PARD3B: variants seen among roughly 807,000 people sequenced by gnomAD.
PARD3B encodes partitioning defective 3 homolog B.
Under a neutral mutation model 130.2 loss-of-function variants are expected in PARD3B, and 103 were observed. That is an observed-to-expected ratio of 0.79 (90% CI 0.67 to 0.93). PARD3B has a LOEUF of 0.93. Ranked by LOEUF, PARD3B falls within the 40% of genes least tolerant of loss-of-function variation. PARD3B has a pLI of 0.00. For synonymous variants in PARD3B, 583 were observed against 553.2 expected (o/e 1.05, Z -0.76); for missense variants, 1,609 against 1,499.2 (o/e 1.07, Z -1.21).
At chr2:204,753,839 G>A (rs2125393676) in intron 2 of PARD3B, among the ~76,000 whole-genome samples, 1 of 152,176 alleles carries the variant, frequency 6.6e-6, no homozygotes, top group South Asian at 2.1e-4. Flanking sequence ...GATTGCTTGA[G>A]CTCAGGAGTT....
At chr2:205,523,225 G>A (rs199960729) in intron 21 of PARD3B, among the ~76,000 whole-genome samples, 38,032 of 142,734 alleles carry the variant, frequency 0.27, 5,552 homozygotes, top group Admixed American at 0.4. Flanking sequence ...GTGTGTGTGT[G>A]TATATATATA....
chr2:205,098,085 AAAC>A (rs1702508458), intron 4 of PARD3B, among the ~76,000 whole-genome samples: 1 of 152,188 alleles, frequency 6.6e-6, no homozygotes, highest in Admixed American at 6.6e-5. Flanking sequence ...TGAAAAGTAA[AAAC>A]AAATATTCTG....
At position 205,172,335 on chromosome 2, in the gene PARD3B, G is replaced by A. The variant is rs2125749983; in HGVS notation, c.1745G>A (p.Gly582Glu). Reference protein sequence around the residue: ...RSMSMEGNIRGMIQLVILRRP... With the variant: ...RSMSMEGNIREMIQLVILRRP... ...ATGTCCATGGAGGGAAACATCCGAG[G>A]GATGATCCAGTTGGTGATTCTGAGG... Residue 582 changes from glycine (G) to glutamate (E), a missense_variant, in exon 12 of 23, where the codon GGG (glycine) becomes GAG (glutamate). Gly to Glu is a moderately conservative substitution (Grantham distance 98). Transcript: ENST00000406610. 2 of 1,614,060 alleles carry A rather than the reference G, an allele frequency of 1.2e-6. No homozygotes were observed. Among genetic ancestry groups the A allele is most frequent in the South Asian group, 2.2e-5 (2 of 91,074 alleles).
chr2:204,566,577 C>A (rs1329087537), intron 1 of PARD3B, among the ~76,000 whole-genome samples: 1 of 152,082 alleles, frequency 6.6e-6, no homozygotes, highest in Non-Finnish European at 1.5e-5. Flanking sequence ...AAATCAATTC[C>A]TTTTCCTTTA....
intron 15 of PARD3B, among the ~76,000 whole-genome samples, chr2:205,216,378 A>G (rs1185447459): frequency 2.0e-5 from 3 of 152,184 alleles, no homozygotes; most frequent in Non-Finnish European, 2.9e-5. Flanking sequence ...CTTATAAATC[A>G]AAGAAGAAAG....
intron 2 of PARD3B, among the ~76,000 whole-genome samples, chr2:204,872,813 T>G (rs2045680948): frequency 1.3e-5 from 2 of 152,240 alleles, no homozygotes; most frequent in South Asian, 4.1e-4. Context: ...ACCATCTTGC[T>G]TTTTAAGTTA....
chr2:204,762,284 G>T (rs550331950), intron 2 of PARD3B, among the ~76,000 whole-genome samples: 1 of 151,782 alleles, frequency 6.6e-6, no homozygotes, highest in Non-Finnish European at 1.5e-5. Context: ...ACCATGCCCA[G>T]CTAATTTTTT....
rs544097236 is a variant in PARD3B, at chr2:204,854,678, A to G, written c.223-110474A>G. On this transcript the variant is annotated intron_variant, in intron 2 of 22. Transcript: ENST00000406610. ...CGTTGACCTCCTCGGGACATGAGGC[A>G]AAATGTCTCCTGAACAGAGGATAGC... Among the ~76,000 whole-genome samples the G allele has an allele frequency of 1.3e-4, 20 of 152,282 alleles. No homozygotes were observed. In the South Asian group the frequency reaches 3.7e-3, roughly 28 times the overall value.
chr2:205,285,201 C>A (rs1253010599), intron 16 of PARD3B, among the ~76,000 whole-genome samples: 1 of 152,050 alleles, frequency 6.6e-6, no homozygotes, highest in African/African-American at 2.4e-5. Context: ...AATGATATTA[C>A]CCCTCTGTGG....
In PARD3B at chr2:205,472,167, G is replaced by A. The variant is rs144192669; in HGVS notation, c.3045-27729G>A. Among the ~76,000 whole-genome samples, 10 of 152,208 alleles carry A rather than the reference G, an allele frequency of 6.6e-5. No individual in the cohort carries two copies. The East Asian group carries it at 1.9e-3, about 29-fold the overall frequency. On this transcript the variant is annotated intron_variant, in intron 20 of 22. Transcript: ENST00000406610. ...TTGTTATTCTCTGAAGGTAACATAG[G>A]ATGCATAAAACCGTATACATCTGAA...
At chr2:204,817,619 AG>A (rs2043193558) in intron 2 of PARD3B, among the ~76,000 whole-genome samples, 1 of 152,160 alleles carries the variant, frequency 6.6e-6, no homozygotes, top group Admixed American at 6.6e-5. Context: ...ACTCAGCTGC[AG>A]GGGACCCTCT....
intron 1 of PARD3B, among the ~76,000 whole-genome samples, chr2:204,593,798 C>T (rs1191423270): frequency 6.6e-6 from 1 of 152,184 alleles, no homozygotes; most frequent in African/African-American, 2.4e-5. Context: ...GCTACTTACA[C>T]ACCTCTCTAC....
intron 1 of PARD3B, among the ~76,000 whole-genome samples, chr2:204,570,394 G>A (rs1216355056): frequency 6.6e-6 from 1 of 152,178 alleles, no homozygotes; most frequent in Non-Finnish European, 1.5e-5. Flanking sequence ...GCTGCTTTGT[G>A]CCGCCTTCTG....
intron 10 of PARD3B, among the ~76,000 whole-genome samples, chr2:205,150,622 G>A (rs1490243121): frequency 6.6e-6 from 1 of 152,104 alleles, no homozygotes; most frequent in African/African-American, 2.4e-5. Flanking sequence ...CACTAATTAT[G>A]GCTTAAGCCT....
At chr2:205,467,446 A>G (rs1343772287) in intron 20 of PARD3B, among the ~76,000 whole-genome samples, 2 of 152,268 alleles carry the variant, frequency 1.3e-5, no homozygotes, top group African/African-American at 2.4e-5. Flanking sequence ...CAATAGAGAT[A>G]TAATACAAAC....
rs1293738748 is a variant in PARD3B, at chr2:205,575,238, G to A, written c.3260+21835G>A. Among the ~76,000 whole-genome samples, 5 of 151,696 alleles carry A rather than the reference G, an allele frequency of 3.3e-5. No homozygotes were observed. Among genetic ancestry groups the A allele is most frequent in the African/African-American group, 9.7e-5 (4 of 41,270 alleles). ...CACACTGTTTTTAGTGCAGTTTCAGGTTCACACCAAATTTTAGAGGAAGGT... is the reference window on the plus strand; with the variant it reads ...CACACTGTTTTTAGTGCAGTTTCAGATTCACACCAAATTTTAGAGGAAGGT... On this transcript the variant is annotated intron_variant, in intron 22 of 22. Transcript: ENST00000406610. This position sits in a 1 kb window ranked among gnomAD's most constrained non-coding sequence, Gnocchi z 4.6.
rs3217407 is a variant in PARD3B at position 205,113,393 on chromosome 2, G to GGTGTGTGTGTGT, written c.594-79_594-68dup. ...ATTAGTTGATATAATCCTGAGCAGG[G>GGTGTGTGTGTGT]GTGTGTGTGTGTGTGTGTGTGTGTG... On this transcript the variant is annotated intron_variant, in intron 5 of 22. Transcript: ENST00000406610. 7 of 571,590 alleles carry GGTGTGTGTGTGT rather than the reference G, an allele frequency of 1.2e-5. No homozygotes were observed. In the African/African-American group the frequency reaches 1.4e-4, roughly 11 times the overall value. The allele number at this position is 571,590 out of a possible 1,614,324, so 35.4% of individuals were successfully genotyped here. A position where few individuals can be genotyped will look rare whatever the true frequency, so the allele number is the denominator to read the frequency against.
At chr2:204,940,016 A>T in intron 2 of PARD3B, among the ~76,000 whole-genome samples, 1 of 152,206 alleles carries the variant, frequency 6.6e-6, no homozygotes, top group Non-Finnish European at 1.5e-5. Context: ...TGTTTCTGAG[A>T]GAAGAAAGAT....
intron 1 of PARD3B, among the ~76,000 whole-genome samples, chr2:204,580,272 T>C (rs968003538): frequency 6.6e-6 from 1 of 152,130 alleles, no homozygotes; most frequent in Admixed American, 6.5e-5. Context: ...CCATCCTCCG[T>C]CCTGGACTGA....
Sources: allele counts gnomAD v4.1 joint callset (sites outside exome capture counted in the v4.1 genomes callset), GRCh38; gene constraint gnomAD v4.1.1; non-coding constraint Gnocchi (gnomAD v3.1); transcripts MANE v1.5; gene names NCBI Gene and HGNC (gene_info 2026-07-23, HGNC 2026-07-21).